The following REXO1 variants were observed in gnomAD, a reference collection of about 807,000 sequenced individuals.
The protein encoded by REXO1 is REX1, RNA exonuclease 1 homolog.
Under a neutral mutation model 102.6 loss-of-function variants are expected in REXO1, and 42 were observed. The ratio of observed to expected loss-of-function variants is 0.41; its 90% CI spans 0.32 to 0.53. The LOEUF is 0.53. Ranked by LOEUF, REXO1 falls within the 20% of genes least tolerant of loss-of-function variation. REXO1 has a pLI of 0.27. For missense variants in REXO1, 1,819 were observed against 1,732.5 expected (o/e 1.05, Z -0.89); for synonymous variants, 908 against 779.1 (o/e 1.17, Z -2.76).
chr19:1,818,334 C>T (rs930567393), intron 10 of REXO1, 148 bp downstream of exon 10: 17 of 629,804 alleles, frequency 2.7e-5, no homozygotes, highest in Admixed American at 5.9e-5. Flanking sequence ...GGGCTAGCCC[C>T]GGCTCTGCCA....
intron 4 of REXO1, 30 bp downstream of exon 4, chr19:1,823,542 C>T (rs1164989618): frequency 1.6e-6 from 2 of 1,279,950 alleles, no homozygotes. Flanking sequence ...CCACGGCCCC[C>T]CGGCACAGGC....
chr19:1,835,803 C>T (rs1470709359), intron 1 of REXO1, among the ~76,000 whole-genome samples: 1 of 152,142 alleles, frequency 6.6e-6, no homozygotes, highest in Non-Finnish European at 1.5e-5. Flanking sequence ...CTGGGAGGTA[C>T]CACCCAGCCC....
rs369325072 is a variant in REXO1, at chr19:1,816,756, G to A, written c.3259C>T (p.His1087Tyr). The change falls in exon 13 of 16, where the codon CAC becomes TAC. Residue 1087 changes from histidine (H) to tyrosine (Y), a missense_variant. His to Tyr is a moderately conservative substitution (Grantham distance 83). Coordinates refer to ENST00000170168, the MANE Select transcript of REXO1 (RefSeq NM_020695.4). ...TRVTVVDTDV[H>Y]VVYDTFVKPD... ...TTCACGAAGGTGTCATAAACCACGTGCACGTCCGTGTCGACCACCGTGACG... is the reference window on the plus strand; with the variant it reads ...TTCACGAAGGTGTCATAAACCACGTACACGTCCGTGTCGACCACCGTGACG... The A allele has an allele frequency of 2.5e-6, 4 of 1,611,812 alleles. No individual in the cohort carries two copies. In the African/African-American group the frequency reaches 4.0e-5, roughly 16 times the overall value.
In REXO1 at chr19:1,827,083, C is replaced by G; in HGVS notation, c.1706G>C (p.Arg569Pro). 1.3e-6 allele frequency: 2 copies of G among 1,541,290 alleles called. No individual in the cohort carries two copies. The highest frequency in any genetic ancestry group is 8.7e-7 in the Non-Finnish European group (1 of 1,145,364). ...GFPEAQGPPK[R>P]LKASPPPSPA... Reference sequence around the variant, plus strand: ...GGAGGGGGGCGGGGAGGCCTTGAGCCGCTTGGGCGGCCCCTGCGCCTCCGG... The same window carrying G: ...GGAGGGGGGCGGGGAGGCCTTGAGCGGCTTGGGCGGCCCCTGCGCCTCCGG... The change falls in exon 2 of 16, where the codon CGG (arginine) becomes CCG (proline). Residue 569 changes from arginine (R) to proline (P), a missense_variant. By Grantham distance (103) the Arg-to-Pro change is moderately radical. Transcript: ENST00000170168.
In REXO1 at chr19:1,815,827, A is replaced by C; in HGVS notation, c.*239T>G. On this transcript the variant is annotated 3_prime_UTR_variant, in exon 16 of 16. Coordinates refer to ENST00000170168, the MANE Select transcript of REXO1 (RefSeq NM_020695.4). The surrounding 1 kb of genome is among the most constrained non-coding windows in gnomAD (Gnocchi z 4.0). ...CTCTGTCCTGGTCTCCATCAGCAGCAGTTTCTAGAGACGCCAGAGGGCTGG... is the reference window on the plus strand; with the variant it reads ...CTCTGTCCTGGTCTCCATCAGCAGCCGTTTCTAGAGACGCCAGAGGGCTGG... 2.0e-6 allele frequency: 3 copies of C among 1,484,678 alleles called. No individual in the cohort carries two copies. The highest frequency in any genetic ancestry group is 2.7e-6 in the Non-Finnish European group (3 of 1,123,148). 92.0% of individuals were successfully genotyped at this position (1,484,678 alleles called of 1,614,324 possible). A position where few individuals can be genotyped will look rare whatever the true frequency, so the allele number is the denominator to read the frequency against.
intron 1 of REXO1, among the ~76,000 whole-genome samples, chr19:1,830,005 T>G (rs948475755): frequency 4.6e-5 from 7 of 152,200 alleles, no homozygotes; most frequent in Admixed American, 3.9e-4. Flanking sequence ...GCATGTTATT[T>G]ACGTGGTTCC....
rs1185233911 is a variant in REXO1 at position 1,828,509 on chromosome 19, C to T, written c.280G>A (p.Ala94Thr). ...ACCTCACTGCGCACGGCCTCGATGGCCTGGTTGACCAGCTCCAACTCCAGC... is the reference window on the plus strand; with the variant it reads ...ACCTCACTGCGCACGGCCTCGATGGTCTGGTTGACCAGCTCCAACTCCAGC... ...DVLELELVNQ[A>T]IEAVRSEVEL... is the part of the protein sequence containing the mutation. Residue 94 changes from alanine to threonine, a missense_variant, in exon 2 of 16, where the codon GCC becomes ACC. Physicochemically the swap from Ala to Thr is moderately conservative, Grantham distance 58. Coordinates refer to ENST00000170168, the MANE Select transcript of REXO1 (RefSeq NM_020695.4). The T allele has an allele frequency of 6.2e-7, 1 of 1,604,806 alleles. No homozygotes were observed. Among genetic ancestry groups the T allele is most frequent in the Non-Finnish European group, 8.5e-7 (1 of 1,179,822 alleles).
intron 11 of REXO1, 42 bp from the exon 12 acceptor site, chr19:1,817,371 G>A (rs1456379515): frequency 1.2e-6 from 2 of 1,605,862 alleles, no homozygotes; most frequent in African/African-American, 1.3e-5. Context: ...TCGGGGTGCA[G>A]TGGGGGCGGG....
rs1308547277 is a variant in REXO1, at chr19:1,848,353, T to A, written c.6A>T (p.Leu2=). Residue 2 remains leucine (L), a synonymous_variant, in exon 1 of 16, where the codon CTA becomes CTT. Coordinates refer to ENST00000170168, the MANE Select transcript of REXO1 (RefSeq NM_020695.4). ...TGGCCCGGAAGAAGCCAGTGGAGCG[T>A]AGCATGGTCCGTCCCGCGGCGGGGC... M[L]RSTGFFRAID... 5 of 1,218,570 alleles carry A rather than the reference T, an allele frequency of 4.1e-6. No individual in the cohort carries two copies. Among genetic ancestry groups the A allele is most frequent in the Non-Finnish European group, 5.1e-6 (5 of 972,686 alleles). The allele number at this position is 1,218,570 out of a possible 1,614,324, so 75.5% of individuals were successfully genotyped here. A position where few individuals can be genotyped will look rare whatever the true frequency, so the allele number is the denominator to read the frequency against.
In REXO1 at chr19:1,817,196, C is replaced by T. The variant is rs373237890; in HGVS notation, c.3201+23G>A. ...AGGTCCTCCCCAATCCTGAACCCGA[C>T]GCTGGGCAGAGAACAGCCTCACCAT... On this transcript the variant is annotated intron_variant, in intron 12 of 15. Transcript: ENST00000170168. 496 of 1,610,050 alleles carry T rather than the reference C, an allele frequency of 3.1e-4. 4 individuals carry two copies. In the South Asian group the frequency reaches 4.4e-3, roughly 14 times the overall value.
chr19:1,823,827 G>T, intron 3 of REXO1, 42 bp from the exon 4 acceptor site: 1 of 992,652 alleles, frequency 1.0e-6, no homozygotes, highest in Non-Finnish European at 1.3e-6. Context: ...CACAGCGGGG[G>T]CACCTGGAGC....
At position 1,828,594 on chromosome 19, in the gene REXO1, C is replaced by G. The variant is rs1229921800; in HGVS notation, c.195G>C (p.Lys65Asn). Residue 65 changes from lysine to asparagine, a missense_variant, in exon 2 of 16, where the codon AAG becomes AAC. Coordinates refer to ENST00000170168, the MANE Select transcript of REXO1 (RefSeq NM_020695.4). ...TGCCATTCTCCCTCTGCGCGGGGGG[C>G]TTGGGCAGCTCAGGGTTGTAGGGGT... Reference protein sequence around the residue: ...GYDPYNPELPKPPAQRENGTL... With the variant: ...GYDPYNPELPNPPAQRENGTL... 8 of 1,602,884 alleles carry G rather than the reference C, an allele frequency of 5.0e-6. No individual in the cohort carries two copies. The East Asian group carries it at 1.8e-4, about 36-fold the overall frequency.
chr19:1,819,665 G>A (rs1383087776), intron 7 of REXO1, among the ~76,000 whole-genome samples: 4 of 152,198 alleles, frequency 2.6e-5, no homozygotes, highest in Non-Finnish European at 4.4e-5. Flanking sequence ...AGAAGCTGCC[G>A]CAGCTCCATT....
intron 7 of REXO1, among the ~76,000 whole-genome samples, chr19:1,819,726 C>T (rs994513966): frequency 3.3e-5 from 5 of 152,204 alleles, no homozygotes; most frequent in Admixed American, 6.5e-5. Context: ...CGGAGGAAGG[C>T]GGCTGACAGC....
chr19:1,838,921 A>C (rs1599167003), intron 1 of REXO1, among the ~76,000 whole-genome samples: 2 of 151,968 alleles, frequency 1.3e-5, no homozygotes, highest in Non-Finnish European at 2.9e-5. Flanking sequence ...GTTCGAGACC[A>C]GCCTGGGCAA....
In REXO1 at chr19:1,817,246, C is replaced by T. The variant is rs150552735; in HGVS notation, c.3174G>A (p.Pro1058=). Residue 1058 remains proline, a synonymous_variant, in exon 12 of 16, where the codon CCG becomes CCA. Transcript: ENST00000170168. Reference sequence around the variant, plus strand: ...TCTCGCAGTCCAGGGCGTAGATCCCCGGGTGGGTGTCTCCTGAGAGCTCTT... The same window carrying T: ...TCTCGCAGTCCAGGGCGTAGATCCCTGGGTGGGTGTCTCCTGAGAGCTCTT... ...FEKELSGDTH[P]GIYALDCEMS... 7.4e-6 allele frequency: 12 copies of T among 1,612,900 alleles called. No homozygotes were observed. The highest frequency in any genetic ancestry group is 2.7e-5 in the African/African-American group (2 of 74,908).
chr19:1,821,713 G>A (rs1210928227), intron 4 of REXO1, 31 bp from the exon 5 acceptor site: 1 of 1,585,064 alleles, frequency 6.3e-7, no homozygotes. Context: ...TGGGCACAGG[G>A]CGAGTGGCTG....
chr19:1,822,386 G>A (rs74445960), intron 4 of REXO1: 2,224 of 153,206 alleles, frequency 0.015, 43 homozygotes, highest in African/African-American at 0.05. Flanking sequence ...AGGCTGGCAC[G>A]CGCCTCTTGC....
intron 1 of REXO1, among the ~76,000 whole-genome samples, chr19:1,829,054 G>A (rs1599149381): frequency 6.6e-6 from 1 of 152,262 alleles, no homozygotes; most frequent in East Asian, 1.9e-4. Flanking sequence ...CAGCCTGACG[G>A]TGGACACAGG....
Sources: allele counts gnomAD v4.1 joint callset (sites outside exome capture counted in the v4.1 genomes callset), GRCh38; gene constraint gnomAD v4.1.1; non-coding constraint Gnocchi (gnomAD v3.1); transcripts MANE v1.5; gene names NCBI Gene and HGNC (gene_info 2026-07-23, HGNC 2026-07-21).